Variants in PCCA observed in about 807,000 individuals in gnomAD.
The protein encoded by PCCA is propionyl-CoA carboxylase alpha chain, mitochondrial.
PCCA carries 74 observed loss-of-function variants against 101.3 expected under a neutral mutation model. The ratio of observed to expected loss-of-function variants is 0.73; its 90% CI spans 0.61 to 0.89. The LOEUF is 0.89. PCCA is among the 40% of genes least tolerant of loss of function. The pLI is 0.00. For synonymous variants in PCCA, 294 were observed against 313.6 expected (o/e 0.94, Z 0.66); for missense variants, 891 against 907.0 (o/e 0.98, Z 0.23).
At chr13:100,119,658 G>A (rs1324931023) in intron 4 of PCCA, among the ~76,000 whole-genome samples, 1 of 151,870 alleles carries the variant, frequency 6.6e-6, no homozygotes, top group Non-Finnish European at 1.5e-5. Flanking sequence ...CTATTTCGTA[G>A]GTTGATTCCT....
chr13:100,335,516 A>G (rs1159146689), intron 17 of PCCA, among the ~76,000 whole-genome samples: 1 of 152,212 alleles, frequency 6.6e-6, no homozygotes, highest in Non-Finnish European at 1.5e-5. Flanking sequence ...ATACCCTGGG[A>G]AATTCCTAAA....
At chr13:100,365,750 CAT>C in intron 18 of PCCA, among the ~76,000 whole-genome samples, 1 of 152,314 alleles carries the variant, frequency 6.6e-6, no homozygotes, top group Non-Finnish European at 1.5e-5. Context: ...GACAACTACT[CAT>C]AATAAAAGCT....
chr13:100,428,979 GT>G (rs1238571788), intron 20 of PCCA, among the ~76,000 whole-genome samples: 1 of 152,008 alleles, frequency 6.6e-6, no homozygotes, highest in Non-Finnish European at 1.5e-5. Flanking sequence ...GGTTTTTTTG[GT>G]TTTTGGCTGC....
chr13:100,203,248 T>C (rs1183107496), intron 6 of PCCA, among the ~76,000 whole-genome samples: 5 of 143,978 alleles, frequency 3.5e-5, no homozygotes, highest in African/African-American at 1.3e-4. Flanking sequence ...CACTCCAGCC[T>C]GGGTGACAGA....
At chr13:100,458,422 C>A (rs111706093) in intron 21 of PCCA, among the ~76,000 whole-genome samples, 3 of 105,780 alleles carry the variant, frequency 2.8e-5, no homozygotes, top group African/African-American at 5.2e-5. Context: ...CATCTCTGCG[C>A]GCACACACAC....
chr13:100,092,774 A>G (rs576770413), intron 1 of PCCA, among the ~76,000 whole-genome samples: 1 of 152,312 alleles, frequency 6.6e-6, no homozygotes, highest in East Asian at 1.9e-4. Context: ...ATCAGTAAAT[A>G]TGGAAAAGAA....
At chr13:100,351,982 C>G (rs1438991001) in intron 18 of PCCA, among the ~76,000 whole-genome samples, 1 of 151,832 alleles carries the variant, frequency 6.6e-6, no homozygotes, top group African/African-American at 2.4e-5. Flanking sequence ...ATTGTAATGC[C>G]CGGGGTAACC....
chr13:100,456,793 C>G (rs1034901696), intron 21 of PCCA, among the ~76,000 whole-genome samples: 1 of 152,164 alleles, frequency 6.6e-6, no homozygotes, highest in African/African-American at 2.4e-5. Flanking sequence ...ACGGGAGGAA[C>G]ATGAAAGTGG....
At chr13:100,513,803 C>A (rs1411239266) in intron 21 of PCCA, among the ~76,000 whole-genome samples, 1 of 152,236 alleles carries the variant, frequency 6.6e-6, no homozygotes, top group Non-Finnish European at 1.5e-5. Flanking sequence ...GTCAGTCACA[C>A]AGAAGGCGCA....
At chr13:100,452,893 TGAAAA>T (rs2081436729) in intron 21 of PCCA, among the ~76,000 whole-genome samples, 2 of 151,862 alleles carry the variant, frequency 1.3e-5, no homozygotes, top group African/African-American at 2.4e-5. Flanking sequence ...GTGTTAGACT[TGAAAA>T]GAAAACTAAA....
chr13:100,135,672 C>G (rs373503110), intron 4 of PCCA, among the ~76,000 whole-genome samples: 75 of 151,588 alleles, frequency 4.9e-4, no homozygotes, highest in African/African-American at 1.8e-3. Context: ...TTCTGTTGCT[C>G]TAGTTAGGAA....
At chr13:100,494,876 G>A (rs1254186524) in intron 21 of PCCA, among the ~76,000 whole-genome samples, 1 of 151,910 alleles carries the variant, frequency 6.6e-6, no homozygotes, top group African/African-American at 2.4e-5. Flanking sequence ...ACCCCTATTT[G>A]ATTTATTTTA....
intron 21 of PCCA, among the ~76,000 whole-genome samples, chr13:100,514,217 A>G (rs2086675671): frequency 6.6e-6 from 1 of 152,226 alleles, no homozygotes; most frequent in Non-Finnish European, 1.5e-5. Context: ...GTAAAGAAAC[A>G]TGCAAAAGAT....
intron 18 of PCCA, among the ~76,000 whole-genome samples, chr13:100,343,780 G>C (rs1175368816): frequency 6.6e-6 from 1 of 152,202 alleles, no homozygotes; most frequent in Non-Finnish European, 1.5e-5. Flanking sequence ...CAATTAAGAT[G>C]TATAGATGTT....
In PCCA at chr13:100,178,936, G is replaced by A. The variant is rs529468892; in HGVS notation, c.468+21596G>A. 1.3e-4 allele frequency among the ~76,000 whole-genome samples: 19 copies of A among 151,848 alleles called. No individual in the cohort carries two copies. In the South Asian group the frequency reaches 3.3e-3, roughly 27 times the overall value. ...ACTAAAAATACAAAATATTAGCTGG[G>A]CGTGGTGGCAGGCGCCTGTAATCCC... is the stretch of plus-strand genomic sequence containing the variant. On this transcript the variant is annotated intron_variant, in intron 6 of 23. Coordinates refer to ENST00000376285, the MANE Select transcript of PCCA (RefSeq NM_000282.4).
At chr13:100,261,791 A>G (rs1049280978) in intron 9 of PCCA, among the ~76,000 whole-genome samples, 4 of 152,214 alleles carry the variant, frequency 2.6e-5, no homozygotes, top group Admixed American at 2.0e-4. Context: ...TTTTTGATCA[A>G]TTTTATAGAA....
chr13:100,264,267 A>G (rs564422391), intron 10 of PCCA, among the ~76,000 whole-genome samples: 2 of 150,914 alleles, frequency 1.3e-5, no homozygotes, highest in Admixed American at 6.6e-5. Context: ...TCTGTATCTC[A>G]TATATATGTA....
At chr13:100,476,211 G>A (rs2083410741) in intron 21 of PCCA, among the ~76,000 whole-genome samples, 1 of 152,104 alleles carries the variant, frequency 6.6e-6, no homozygotes, top group Non-Finnish European at 1.5e-5. Context: ...ATTTTTAATA[G>A]GAATGTTGTA....
chr13:100,520,630 G>A (rs1047593270), intron 22 of PCCA, among the ~76,000 whole-genome samples: 29 of 77,054 alleles, frequency 3.8e-4, no homozygotes, highest in African/African-American at 1.1e-3. Context: ...GCGAGACTCC[G>A]TCTCAAAAAA....
Sources: allele counts gnomAD v4.1 joint callset (sites outside exome capture counted in the v4.1 genomes callset), GRCh38; gene constraint gnomAD v4.1.1; transcripts MANE v1.5; gene names NCBI Gene and HGNC (gene_info 2026-07-23, HGNC 2026-07-21).